Variants in PCDHA9 observed in about 807,000 individuals in gnomAD.
PCDHA9 encodes the protein protocadherin alpha-9.
In PCDHA9, 62 loss-of-function variants were observed where a neutral mutation model predicts 62.0. The observed-to-expected ratio is 1.00, with a 90% CI of 0.81 to 1.23. The LOEUF (loss-of-function observed/expected upper bound fraction) is 1.23. Among genes scored for constraint, PCDHA9 ranks in the 50% most tolerant of loss-of-function variants. The pLI, the probability that PCDHA9 is intolerant of heterozygous loss-of-function variation, is 0.00. For missense variants in PCDHA9, 1,205 were observed against 1,249.8 expected, an observed-to-expected ratio of 0.96 and a Z score of 0.54; for synonymous variants, 557 against 567.6, an observed-to-expected ratio of 0.98 and a Z score of 0.27.
At chr5:140,877,136 T>C (rs782812769) in intron 1 of PCDHA9, 2 of 1,613,760 alleles carry the variant, frequency 1.2e-6, no homozygotes, top group Non-Finnish European at 1.7e-6. Context: ...CAGGTGTTCG[T>C]GCTGGACGAG....
intron 1 of PCDHA9, among the ~76,000 whole-genome samples, chr5:140,898,262 C>G (rs2066619852): frequency 6.6e-6 from 1 of 152,130 alleles, no homozygotes; most frequent in Admixed American, 6.5e-5. Context: ...GAAGTCCTTG[C>G]CCATGCCTAA....
At chr5:140,985,884 C>T (rs1263620553) in intron 3 of PCDHA9, among the ~76,000 whole-genome samples, 4 of 151,722 alleles carry the variant, frequency 2.6e-5, no homozygotes, top group East Asian at 3.9e-4. Context: ...GGACTACAGG[C>T]GCCCGCCACC....
chr5:140,890,608 G>A (rs1451973329), intron 1 of PCDHA9, among the ~76,000 whole-genome samples: 1 of 152,026 alleles, frequency 6.6e-6, no homozygotes, highest in African/African-American at 2.4e-5. Flanking sequence ...AATAGCTAGT[G>A]CTTACCCTAG....
chr5:140,892,233 C>G (rs1199614913), intron 1 of PCDHA9, among the ~76,000 whole-genome samples: 1 of 152,082 alleles, frequency 6.6e-6, no homozygotes, highest in Non-Finnish European at 1.5e-5. Context: ...TGTTTTGTCT[C>G]CACATAAACC....
chr5:140,895,720 C>A (rs1473250558), intron 1 of PCDHA9, among the ~76,000 whole-genome samples: 2 of 152,136 alleles, frequency 1.3e-5, no homozygotes, highest in African/African-American at 4.8e-5. Flanking sequence ...ATGGCCTGCA[C>A]CTCCATTCAA....
intron 1 of PCDHA9, chr5:140,877,758 G>A (rs782480713): frequency 1.2e-6 from 2 of 1,614,190 alleles, no homozygotes; most frequent in Non-Finnish European, 1.7e-6. Flanking sequence ...GCTCTGCAGA[G>A]AGCCCGCCCA....
chr5:140,884,454 A>G, intron 1 of PCDHA9: 2 of 1,613,688 alleles, frequency 1.2e-6, no homozygotes, highest in Non-Finnish European at 1.7e-6. Flanking sequence ...CCGCCCACCG[A>G]GGGCGCGTGC....
At position 140,888,063 on chromosome 5, in the gene PCDHA9, T is replaced by A. The variant is rs1412671068; in HGVS notation, c.2394+37174T>A. On this transcript the variant is annotated intron_variant, in intron 1 of 3. Coordinates refer to ENST00000532602, the MANE Select transcript of PCDHA9 (RefSeq NM_031857.2). Reference sequence around the variant, plus strand: ...TGTATAATAGATGTTTTAACTTTCTTGTCTGCTAATTTCAACATTTTTGTC... The same window carrying A: ...TGTATAATAGATGTTTTAACTTTCTAGTCTGCTAATTTCAACATTTTTGTC... Among the ~76,000 whole-genome samples the A allele has an allele frequency of 2.0e-5, 3 of 152,238 alleles. No homozygotes were observed. In the East Asian group the frequency reaches 5.8e-4, roughly 29 times the overall value.
rs2150530468 is a variant in PCDHA9 at position 140,853,294 on chromosome 5, A to G, written c.2394+2405A>G. On this transcript the variant is annotated intron_variant, in intron 1 of 3. Coordinates refer to ENST00000532602, the MANE Select transcript of PCDHA9 (RefSeq NM_031857.2). The stretch of plus-strand genomic sequence containing the variant: ...CTCTCATCATATGCAAATTCTCAGA[A>G]GGGCTGTGAACACCTTAGTAATAAA... 2 of 982,066 alleles carry G rather than the reference A, an allele frequency of 2.0e-6. 1 individual carries two copies. Among genetic ancestry groups the G allele is most frequent in the Non-Finnish European group, 2.5e-6 (2 of 814,606 alleles). 60.8% of individuals were successfully genotyped at this position (982,066 alleles called of 1,614,324 possible). A position where few individuals can be genotyped will look rare whatever the true frequency, so the allele number is the denominator to read the frequency against.
intron 1 of PCDHA9, among the ~76,000 whole-genome samples, chr5:140,946,184 C>T (rs2093899107): frequency 6.6e-6 from 1 of 151,990 alleles, no homozygotes; most frequent in African/African-American, 2.4e-5. Context: ...TGTGAATAGA[C>T]ATTTCTCAAA....
At chr5:140,926,143 C>A (rs2082940711) in intron 1 of PCDHA9, among the ~76,000 whole-genome samples, 1 of 152,068 alleles carries the variant, frequency 6.6e-6, no homozygotes, top group African/African-American at 2.4e-5. Context: ...CAGGATCCAG[C>A]GCGGAAAGCT....
rs2150463810 is a variant in PCDHA9 at position 140,850,022 on chromosome 5, A to T, written c.1527A>T (p.Ser509=). ...LGERSLSSYV[S]VHAESGKVYA... The stretch of plus-strand genomic sequence containing the variant: ...AGCGCTCGCTGTCGAGCTACGTGTC[A>T]GTGCACGCGGAGAGCGGCAAGGTGT... The change falls in exon 1 of 4, where the codon TCA becomes TCT. Residue 509 remains serine (S), a synonymous_variant. Coordinates refer to ENST00000532602, the MANE Select transcript of PCDHA9 (RefSeq NM_031857.2). The T allele has an allele frequency of 4.4e-6, 7 of 1,596,794 alleles. No individual in the cohort carries two copies. The highest frequency in any genetic ancestry group is 6.0e-6 in the Non-Finnish European group (7 of 1,167,770).
intron 1 of PCDHA9, chr5:140,863,374 A>C: frequency 5.3e-5 from 60 of 1,135,154 alleles, no homozygotes; most frequent in Non-Finnish European, 7.5e-5. Flanking sequence ...GGCGCAGCTC[A>C]CCGAGAGCTC....
intron 1 of PCDHA9, chr5:140,870,820 G>A (rs1554164732): frequency 6.2e-7 from 1 of 1,613,748 alleles, no homozygotes; most frequent in Non-Finnish European, 8.5e-7. Context: ...TGGCAGCGCG[G>A]GAGGCGCAGT....
In PCDHA9 at chr5:140,850,261, T is replaced by C. The variant is rs2150476326; in HGVS notation, c.1766T>C (p.Val589Ala). ...GTGCTGCGGTCGGTGGGCGCCGGCG[T>C]AGTGGTGGGGAAGGTGCGCGCAGTG... The part of the protein sequence containing the change: ...EMVLRSVGAG[V>A]VVGKVRAVDA... The change falls in exon 1 of 4, where the codon GTA becomes GCA. Residue 589 changes from valine to alanine, a missense_variant. By Grantham distance (64) the Val-to-Ala change is moderately conservative. Transcript: ENST00000532602. The C allele has an allele frequency of 1.9e-6, 3 of 1,592,442 alleles. No homozygotes were observed. Among genetic ancestry groups the C allele is most frequent in the African/African-American group, 1.4e-5 (1 of 73,630 alleles).
chr5:140,870,352 G>C, intron 1 of PCDHA9: 8 of 1,614,226 alleles, frequency 5.0e-6, no homozygotes, highest in Non-Finnish European at 5.9e-6. Context: ...CCGCGAGAAC[G>C]TGTGGGCCTA....
intron 1 of PCDHA9, chr5:140,883,399 T>C (rs143292342): frequency 3.1e-5 from 50 of 1,614,100 alleles, no homozygotes; most frequent in Non-Finnish European, 4.1e-5. Flanking sequence ...TGTCCGATCG[T>C]GACTCTGGCT....
At chr5:140,857,626 G>T in intron 1 of PCDHA9, 1 of 1,596,672 alleles carries the variant, frequency 6.3e-7, no homozygotes, top group Non-Finnish European at 8.6e-7. Flanking sequence ...ACCACGAGGA[G>T]CTGGAGCTGC....
rs199902550 is a variant in PCDHA9 at position 140,965,368 on chromosome 5, A to C, written c.2395-13581A>C. On this transcript the variant is annotated intron_variant, in intron 1 of 3. Transcript: ENST00000532602. ...TTGCCTCTATAGCAGTACAAGAGGAAACTTGGGGACACAGAAGAACAGAAG... is the reference window on the plus strand; with the variant it reads ...TTGCCTCTATAGCAGTACAAGAGGACACTTGGGGACACAGAAGAACAGAAG... 8.5e-5 allele frequency among the ~76,000 whole-genome samples: 13 copies of C among 152,290 alleles called. No homozygotes were observed. The East Asian group carries it at 2.5e-3, about 29-fold the overall frequency.
Sources: allele counts gnomAD v4.1 joint callset (sites outside exome capture counted in the v4.1 genomes callset), GRCh38; gene constraint gnomAD v4.1.1; transcripts MANE v1.5; gene names NCBI Gene and HGNC (gene_info 2026-07-23, HGNC 2026-07-21).